Variants in RHOU observed in about 807,000 individuals in gnomAD.
RHOU encodes ras homolog family member U.
Under a neutral mutation model 12.6 loss-of-function variants are expected in RHOU, and 8 were observed. That is an observed-to-expected ratio of 0.64 (90% confidence interval 0.37 to 1.15). The LOEUF is 1.15. Among genes scored for constraint, RHOU ranks in the 50% most tolerant of loss-of-function variants. The pLI, the probability that RHOU is intolerant of heterozygous loss-of-function variation, is 0.01. For missense variants in RHOU, 258 were observed against 347.0 expected (o/e 0.74, Z 2.04); for synonymous variants, 161 against 147.4 (o/e 1.09, Z -0.67).
chr1:228,708,797 C>T, the RHOU span, among the ~76,000 whole-genome samples: 1 of 151,834 alleles, frequency 6.6e-6, no homozygotes, highest in Non-Finnish European at 1.5e-5. Context: ...GGATCAAATT[C>T]ACACATAACA....
the RHOU span, among the ~76,000 whole-genome samples, chr1:228,718,992 G>A: frequency 3.3e-5 from 5 of 152,260 alleles, no homozygotes; most frequent in African/African-American, 9.6e-5. Context: ...AGAATATATC[G>A]TCTAAAAGGT....
the RHOU span, among the ~76,000 whole-genome samples, chr1:228,659,778 G>C: frequency 2.0e-5 from 3 of 152,098 alleles, no homozygotes; most frequent in Admixed American, 1.3e-4. Context: ...GAGGTCAGGA[G>C]TTCGAGACTA....
chr1:228,683,763 G>T, the RHOU span, among the ~76,000 whole-genome samples: 2 of 152,340 alleles, frequency 1.3e-5, no homozygotes, highest in Admixed American at 6.5e-5. Flanking sequence ...AGCCAGAGTT[G>T]CACGGTTTCA....
At chr1:228,676,516 C>T in the RHOU span, among the ~76,000 whole-genome samples, 1 of 152,092 alleles carries the variant, frequency 6.6e-6, no homozygotes, top group Non-Finnish European at 1.5e-5. Flanking sequence ...TTTTTAGTTT[C>T]TCAATATGTA....
chr1:228,664,629 A>G, the RHOU span, among the ~76,000 whole-genome samples: 1 of 152,112 alleles, frequency 6.6e-6, no homozygotes, highest in African/African-American at 2.4e-5. Flanking sequence ...ACCCGTGTTC[A>G]TTGCCAAGAT....
At chr1:228,647,378 C>T in the RHOU span, among the ~76,000 whole-genome samples, 7 of 152,152 alleles carry the variant, frequency 4.6e-5, no homozygotes, top group Non-Finnish European at 1.0e-4. Context: ...CCGGGCGCGT[C>T]CGGAGGCCTG....
At chr1:228,692,841 G>C in the RHOU span, among the ~76,000 whole-genome samples, 1 of 151,960 alleles carries the variant, frequency 6.6e-6, no homozygotes, top group Non-Finnish European at 1.5e-5. Context: ...ATTAGGAAAT[G>C]GGGATTTACA....
chr1:228,685,982 T>A, the RHOU span, among the ~76,000 whole-genome samples: 2 of 152,174 alleles, frequency 1.3e-5, no homozygotes, highest in Non-Finnish European at 2.9e-5. Context: ...AGATCAGAGT[T>A]TTACACTTTG....
chr1:228,663,615 C>CTTTTTTTTT, the RHOU span, among the ~76,000 whole-genome samples: 4 of 86,714 alleles, frequency 4.6e-5, no homozygotes, highest in Admixed American at 1.2e-4. Context: ...CTTTTCTTTT[C>CTTTTTTTTT]TTTTCTTTTC....
the RHOU span, among the ~76,000 whole-genome samples, chr1:228,707,261 T>TATA: frequency 4.0e-5 from 3 of 75,740 alleles, no homozygotes; most frequent in African/African-American, 3.4e-4. Flanking sequence ...ATATAGTGTG[T>TATA]GTGTGTGTGT....
At chr1:228,675,919 G>C in the RHOU span, among the ~76,000 whole-genome samples, 1 of 151,842 alleles carries the variant, frequency 6.6e-6, no homozygotes, top group Non-Finnish European at 1.5e-5. Context: ...GAGAACAGAG[G>C]AGAAACTCAA....
At chr1:228,728,240 C>T in the RHOU span, among the ~76,000 whole-genome samples, 1 of 152,208 alleles carries the variant, frequency 6.6e-6, no homozygotes, top group East Asian at 1.9e-4. Flanking sequence ...CTGTTTTCCA[C>T]GTTAGCAGCG....
upstream of RHOU, among the ~76,000 whole-genome samples, chr1:228,731,826 A>G: frequency 6.6e-6 from 1 of 152,190 alleles, no homozygotes; most frequent in Non-Finnish European, 1.5e-5. Context: ...GGAGGGCCTC[A>G]GAGAGACAAG....
At chr1:228,730,819 G>GTTC (rs1216061855), upstream of RHOU, among the ~76,000 whole-genome samples, 4 of 152,210 alleles carry the variant, frequency 2.6e-5, no homozygotes, top group Non-Finnish European at 5.9e-5. Flanking sequence ...AAACCGTGCT[G>GTTC]TTCTGATTTG....
the RHOU span, among the ~76,000 whole-genome samples, chr1:228,681,994 G>A: frequency 6.6e-6 from 1 of 152,152 alleles, no homozygotes; most frequent in Non-Finnish European, 1.5e-5. Context: ...CACCAATGGG[G>A]TGTGGGTGAA....
chr1:228,680,866 T>A, the RHOU span, among the ~76,000 whole-genome samples: 238 of 152,292 alleles, frequency 1.6e-3, 2 homozygotes, highest in Middle Eastern at 0.01. Context: ...CAAGAAACCA[T>A]GTAATTTCGC....
the RHOU span, among the ~76,000 whole-genome samples, chr1:228,671,877 T>C: frequency 6.6e-6 from 1 of 152,212 alleles, no homozygotes; most frequent in African/African-American, 2.4e-5. Context: ...TTGCCATTTT[T>C]CAAAATAATA....
chr1:228,733,368 T>C (rs12047916), upstream of RHOU, among the ~76,000 whole-genome samples: 81,093 of 152,124 alleles, frequency 0.53, 24,565 homozygotes, highest in African/African-American at 0.85. Context: ...AGTATATTGG[T>C]TGATCAAGGG....
chr1:228,722,741 G>A, the RHOU span, among the ~76,000 whole-genome samples: 1 of 151,874 alleles, frequency 6.6e-6, no homozygotes. Context: ...TCCTGCCTCA[G>A]CCTACCCAGT....
Sources: allele counts gnomAD v4.1 joint callset (sites outside exome capture counted in the v4.1 genomes callset), GRCh38; gene constraint gnomAD v4.1.1; transcripts MANE v1.5; gene names NCBI Gene and HGNC (gene_info 2026-07-23, HGNC 2026-07-21).